SPAG16: variants seen among roughly 807,000 people sequenced by gnomAD.
The protein encoded by SPAG16 is sperm-associated antigen 16 protein.
A neutral mutation model predicts 80.4 loss-of-function variants in SPAG16; 86 were observed. That is an observed-to-expected ratio of 1.07 (90% CI 0.90 to 1.28). The LOEUF (loss-of-function observed/expected upper bound fraction) is 1.28, where lower values mean the gene tolerates loss of function less well. Among genes scored for constraint, SPAG16 ranks in the 50% most tolerant of loss-of-function variants. SPAG16 has a pLI of 0.00. For synonymous variants in SPAG16, 294 were observed against 265.9 expected, an observed-to-expected ratio of 1.11 and a Z score of -1.03; for missense variants, 870 against 765.3, an observed-to-expected ratio of 1.14 and a Z score of -1.61.
chr2:214,387,334 C>T (rs1356965078), intron 15 of SPAG16, among the ~76,000 whole-genome samples: 1 of 151,848 alleles, frequency 6.6e-6, no homozygotes, highest in Non-Finnish European at 1.5e-5. Context: ...ATGTTATTTC[C>T]ACTTTTAAAA....
intron 13 of SPAG16, among the ~76,000 whole-genome samples, chr2:214,083,091 C>T (rs1165849608): frequency 1.3e-5 from 2 of 152,086 alleles, no homozygotes; most frequent in South Asian, 2.1e-4. Flanking sequence ...TCAGGTCTAC[C>T]GAACCAGACA....
intron 15 of SPAG16, among the ~76,000 whole-genome samples, chr2:214,258,878 C>A (rs566434083): frequency 1.3e-5 from 2 of 151,870 alleles, no homozygotes. Flanking sequence ...TATATAATTT[C>A]AATTTGGTAT....
intron 15 of SPAG16, among the ~76,000 whole-genome samples, chr2:214,163,921 G>A: frequency 6.6e-6 from 1 of 151,904 alleles, no homozygotes; most frequent in East Asian, 1.9e-4. Flanking sequence ...TTTACCCAAA[G>A]TCTGTGAGTT....
intron 10 of SPAG16, among the ~76,000 whole-genome samples, chr2:213,680,048 C>G (rs1308031771): frequency 1.3e-5 from 2 of 152,016 alleles, no homozygotes; most frequent in African/African-American, 2.4e-5. Context: ...GGATACAGCA[C>G]ACCACCGTGG....
At chr2:213,448,668 A>G (rs1207713127) in intron 9 of SPAG16, among the ~76,000 whole-genome samples, 1 of 152,234 alleles carries the variant, frequency 6.6e-6, no homozygotes, top group Non-Finnish European at 1.5e-5. Flanking sequence ...TGGCAGAGGA[A>G]CATAAATTGT....
intron 10 of SPAG16, among the ~76,000 whole-genome samples, chr2:213,503,066 A>C (rs1162372822): frequency 6.6e-6 from 1 of 152,218 alleles, no homozygotes; most frequent in Non-Finnish European, 1.5e-5. Flanking sequence ...ATTCCCATCT[A>C]TATATCATGA....
At chr2:213,901,289 A>G (rs920621566) in intron 11 of SPAG16, among the ~76,000 whole-genome samples, 3 of 152,208 alleles carry the variant, frequency 2.0e-5, no homozygotes, top group Non-Finnish European at 4.4e-5. Flanking sequence ...TTAGTCAGCT[A>G]TGTGATTTTC....
chr2:214,360,550 A>C (rs925821501), intron 15 of SPAG16, among the ~76,000 whole-genome samples: 4 of 151,846 alleles, frequency 2.6e-5, no homozygotes, highest in African/African-American at 9.7e-5. Context: ...GATAGATGCA[A>C]ATCCATTTAT....
At chr2:214,173,113 T>C (rs556956788) in intron 15 of SPAG16, among the ~76,000 whole-genome samples, 1 of 152,242 alleles carries the variant, frequency 6.6e-6, no homozygotes, top group African/African-American at 2.4e-5. Flanking sequence ...GAGATCCCAT[T>C]TGTCAATTTT....
chr2:214,155,177 T>C (rs1202763435), intron 15 of SPAG16, among the ~76,000 whole-genome samples: 1 of 152,066 alleles, frequency 6.6e-6, no homozygotes, highest in Non-Finnish European at 1.5e-5. Flanking sequence ...TCCCCTCCAG[T>C]CTTCAGCTGG....
chr2:213,439,535 A>G (rs572328286), intron 9 of SPAG16, among the ~76,000 whole-genome samples: 1 of 152,210 alleles, frequency 6.6e-6, no homozygotes, highest in Non-Finnish European at 1.5e-5. Context: ...CTTGTAAATG[A>G]TGAACCTGGA....
intron 15 of SPAG16, among the ~76,000 whole-genome samples, chr2:214,217,336 C>A (rs1454046335): frequency 6.6e-6 from 1 of 152,158 alleles, no homozygotes; most frequent in African/African-American, 2.4e-5. Context: ...CTCCTGTTTG[C>A]ATTTTAATTG....
At chr2:213,902,341 C>G (rs1476067663) in intron 11 of SPAG16, among the ~76,000 whole-genome samples, 1 of 152,132 alleles carries the variant, frequency 6.6e-6, no homozygotes, top group Non-Finnish European at 1.5e-5. Context: ...ATACCTGAGA[C>G]TGGGAAGAAA....
intron 9 of SPAG16, among the ~76,000 whole-genome samples, chr2:213,410,200 T>C (rs1471312581): frequency 1.3e-5 from 2 of 152,206 alleles, no homozygotes; most frequent in Non-Finnish European, 2.9e-5. Context: ...TTTAACTCTC[T>C]TTCATCTATT....
Position 213,284,555 on chromosome 2 carries a change from G to T in SPAG16, c.72G>T (p.Thr24=). 1 of 1,606,310 alleles carries T rather than the reference G, an allele frequency of 6.2e-7. No homozygotes were observed. The highest frequency in any genetic ancestry group is 8.5e-7 in the Non-Finnish European group (1 of 1,176,770). ...AAGAGGCGTTGGGCATGGGTTTGACGGCAGCCGGGGACGCGAGGGACACGG... is the reference window on the plus strand; with the variant it reads ...AAGAGGCGTTGGGCATGGGTTTGACTGCAGCCGGGGACGCGAGGGACACGG... The part of the protein sequence containing the change: ...VLEEALGMGL[T]AAGDARDTAD... Residue 24 remains threonine, a synonymous_variant, in exon 1 of 16, where the codon ACG becomes ACT. Coordinates refer to ENST00000331683, the MANE Select transcript of SPAG16 (RefSeq NM_024532.5).
intron 10 of SPAG16, among the ~76,000 whole-genome samples, chr2:213,575,815 A>G (rs2060103828): frequency 6.6e-6 from 1 of 152,154 alleles, no homozygotes; most frequent in South Asian, 2.1e-4. Context: ...TATCCATTTT[A>G]CCAATCTCTG....
At chr2:213,702,929 G>C (rs769793851) in intron 10 of SPAG16, among the ~76,000 whole-genome samples, 32 of 152,278 alleles carry the variant, frequency 2.1e-4, no homozygotes, top group Middle Eastern at 3.4e-3. Flanking sequence ...TGCCGTGACT[G>C]TGTTAGTGTT....
intron 10 of SPAG16, among the ~76,000 whole-genome samples, chr2:213,861,332 A>C (rs953670174): frequency 1.9e-4 from 29 of 152,216 alleles, no homozygotes; most frequent in African/African-American, 7.0e-4. Context: ...TTTTGCTCTC[A>C]TATAAGCCTG....
chr2:213,999,495 C>G lies in SPAG16; in HGVS notation c.1401-14456C>G, dbSNP rs984828169. On this transcript the variant is annotated intron_variant, in intron 12 of 15. Coordinates refer to ENST00000331683, the MANE Select transcript of SPAG16 (RefSeq NM_024532.5). Reference sequence around the variant, plus strand: ...AAGTTTGCTGCAGGGGCAGGGTGCTCATGAAGAACCTCTGCTAGGGCAGTG... The same window carrying G: ...AAGTTTGCTGCAGGGGCAGGGTGCTGATGAAGAACCTCTGCTAGGGCAGTG... Among the ~76,000 whole-genome samples, 4 of 152,232 alleles carry G rather than the reference C, an allele frequency of 2.6e-5. No individual in the cohort carries two copies. In the East Asian group the frequency reaches 7.7e-4, roughly 29 times the overall value.
Sources: allele counts gnomAD v4.1 joint callset (sites outside exome capture counted in the v4.1 genomes callset), GRCh38; gene constraint gnomAD v4.1.1; transcripts MANE v1.5; gene names NCBI Gene and HGNC (gene_info 2026-07-23, HGNC 2026-07-21).